The following DST variants were observed in gnomAD, a reference collection of about 807,000 sequenced individuals.
DST encodes the protein bullous pemphigoid antigen.
DST carries 253 observed loss-of-function variants against 875.2 expected under a neutral mutation model. The ratio of observed to expected loss-of-function variants is 0.29; its 90% CI spans 0.26 to 0.32. The LOEUF (loss-of-function observed/expected upper bound fraction) is 0.32, where lower values mean the gene tolerates loss of function less well. Among genes scored for constraint, DST ranks in the 10% least tolerant of loss-of-function variants. The probability of loss-of-function intolerance (pLI) is 1.00; values close to 1 mark genes in which losing one functional copy is unlikely to be tolerated. For synonymous variants in DST, 3,124 were observed against 3,197.1 expected, an observed-to-expected ratio of 0.98 and a Z score of 0.77; for missense variants, 8,287 against 9,111.6, an observed-to-expected ratio of 0.91 and a Z score of 3.68.
chr6:56,474,730 C>T (rs571487157), intron 92 of DST, among the ~76,000 whole-genome samples: 2 of 152,122 alleles, frequency 1.3e-5, no homozygotes, highest in South Asian at 4.1e-4. Flanking sequence ...TTCTGTGGCA[C>T]ATTTCACCTA....
chr6:56,949,751 G>A lies in DST; in HGVS notation c.216+4034C>T, dbSNP rs538966054. Among the ~76,000 whole-genome samples the A allele has an allele frequency of 4.1e-4, 62 of 152,216 alleles. No homozygotes were observed. The Middle Eastern group carries it at 0.01, about 25-fold the overall frequency. On this transcript the variant is annotated intron_variant, in intron 2 of 103. Coordinates refer to ENST00000680361, the MANE Select transcript of DST (RefSeq NM_001374736.1). ...TCTAGACAAATTATTTATTTATAAAGATAACCTAATTATAAAGGATTTCTC... is the reference window on the plus strand; with the variant it reads ...TCTAGACAAATTATTTATTTATAAAAATAACCTAATTATAAAGGATTTCTC...
At chr6:56,589,769 T>C (rs1228136249) in intron 49 of DST, among the ~76,000 whole-genome samples, 3 of 152,238 alleles carry the variant, frequency 2.0e-5, no homozygotes, top group Admixed American at 1.3e-4. Flanking sequence ...GGCCTAGTAG[T>C]ATCAGATTGT....
intron 5 of DST, among the ~76,000 whole-genome samples, chr6:56,713,028 G>A (rs769825648): frequency 6.6e-6 from 1 of 152,182 alleles, no homozygotes; most frequent in Non-Finnish European, 1.5e-5. Flanking sequence ...AACCTCTCAA[G>A]TCATGTGCTT....
At chr6:56,825,297 G>A in intron 4 of DST, among the ~76,000 whole-genome samples, 1 of 147,534 alleles carries the variant, frequency 6.8e-6, no homozygotes, top group East Asian at 2.0e-4. Context: ...ATGCTTGAAG[G>A]CAGCATGCTC....
chr6:56,602,220 T>C (rs1195953839), intron 43 of DST, among the ~76,000 whole-genome samples: 1 of 150,586 alleles, frequency 6.6e-6, no homozygotes, highest in Non-Finnish European at 1.5e-5. Flanking sequence ...AGTGACAACA[T>C]ATAAACACAG....
At chr6:56,529,799 GAAGAAA>G (rs759794410) in intron 65 of DST, 25 bp from the exon 66 acceptor site, 1 of 1,478,588 alleles carries the variant, frequency 6.8e-7, no homozygotes, top group African/African-American at 1.4e-5. Context: ...AAAAAATAAA[GAAGAAA>G]AACAAAAAGA....
intron 9 of DST, among the ~76,000 whole-genome samples, chr6:56,695,717 T>C (rs1173219722): frequency 2.0e-5 from 3 of 152,202 alleles, no homozygotes; most frequent in Admixed American, 1.3e-4. Context: ...ATCTAGCATG[T>C]GGTGGCTAAT....
chr6:56,633,113 T>C (rs1396448986), intron 27 of DST, 76 bp from the exon 28 acceptor site: 9 of 1,131,036 alleles, frequency 8.0e-6, no homozygotes, highest in Non-Finnish European at 9.4e-6. Flanking sequence ...AAACTGGTCG[T>C]GTGGTATATG....
At position 56,466,202 on chromosome 6, in the gene DST, A is replaced by G. The variant is rs1408612976; in HGVS notation, c.22570-7T>C. ...GTTGCTGGGAGTCTCCAAACTGTTCAGTGAAGAAAGAAAGAACCTCTAGTT... is the reference window on the plus strand; with the variant it reads ...GTTGCTGGGAGTCTCCAAACTGTTCGGTGAAGAAAGAAAGAACCTCTAGTT... On this transcript the variant is annotated splice_region_variant and splice_polypyrimidine_tract_variant and intron_variant, in intron 98 of 103. Transcript: ENST00000680361. 6.4e-7 allele frequency: 1 copy of G among 1,571,842 alleles called. No individual in the cohort carries two copies. Among genetic ancestry groups the G allele is most frequent in the East Asian group, 2.3e-5 (1 of 44,312 alleles).
chr6:56,820,297 T>C (rs2099771596), intron 4 of DST, among the ~76,000 whole-genome samples: 1 of 152,248 alleles, frequency 6.6e-6, no homozygotes, highest in African/African-American at 2.4e-5. Context: ...ACATGTTCTG[T>C]AAGTGTTACC....
At chr6:56,943,759 T>C (rs879644681) in intron 2 of DST, among the ~76,000 whole-genome samples, 1 of 152,060 alleles carries the variant, frequency 6.6e-6, no homozygotes, top group Non-Finnish European at 1.5e-5. Context: ...CTAAAGTGTC[T>C]GATCTGTGTA....
intron 3 of DST, among the ~76,000 whole-genome samples, chr6:56,868,916 G>A (rs1775629946): frequency 6.6e-6 from 1 of 152,200 alleles, no homozygotes; most frequent in Non-Finnish European, 1.5e-5. Flanking sequence ...CCCTCTGTGG[G>A]AAATGAAGGT....
At position 56,615,717 on chromosome 6, in the gene DST, T is replaced by C. The variant is rs767923847; in HGVS notation, c.4930-1233A>G. The C allele has an allele frequency of 1.9e-5, 31 of 1,614,050 alleles. No homozygotes were observed. In the African/African-American group the frequency reaches 3.9e-4, roughly 20 times the overall value. ...TTTGTGGCAATGAGGACATCTATAA[T>C]ACCTACTTGGAGAGCCTCTTCTATT... On this transcript the variant is annotated intron_variant, in intron 36 of 103. Coordinates refer to ENST00000680361, the MANE Select transcript of DST (RefSeq NM_001374736.1).
intron 84 of DST, 80 bp downstream of exon 84, chr6:56,492,854 G>T: frequency 8.6e-7 from 1 of 1,163,156 alleles, no homozygotes; most frequent in Non-Finnish European, 1.2e-6. Context: ...GACGACAGAG[G>T]AGTGAGACTC....
At position 56,604,039 on chromosome 6, in the gene DST, C is replaced by T. The variant is rs1181254403; in HGVS notation, c.10589G>A (p.Gly3530Asp). 2 of 1,590,280 alleles carry T rather than the reference C, an allele frequency of 1.3e-6. No homozygotes were observed. The highest frequency in any genetic ancestry group is 1.1e-5 in the South Asian group (1 of 88,248). Reference sequence around the variant, plus strand: ...GTTTCCTTCTTTGCTTTTAATATCACCAAGAATATGTGGCTTTTCTTCCAT... The same window carrying T: ...GTTTCCTTCTTTGCTTTTAATATCATCAAGAATATGTGGCTTTTCTTCCAT... Reference protein sequence around the residue: ...EMMEEKPHILGDIKSKEGNYY... With the variant: ...EMMEEKPHILDDIKSKEGNYY... Residue 3530 changes from glycine to aspartate, a missense_variant, in exon 40 of 104, where the codon GGT becomes GAT. Around this residue, in one of 10 missense-constraint regions of DST, gnomAD observed 3,138 missense variants for 3,116.6 expected, o/e 1.01. Transcript: ENST00000680361.
At chr6:56,811,335 G>C (rs1326848785) in intron 4 of DST, among the ~76,000 whole-genome samples, 2 of 152,012 alleles carry the variant, frequency 1.3e-5, no homozygotes, top group African/African-American at 2.4e-5. Context: ...GAGGGATCCA[G>C]AGAAAAGCCA....
At chr6:56,824,055 C>T (rs1279190907) in intron 4 of DST, among the ~76,000 whole-genome samples, 1 of 152,160 alleles carries the variant, frequency 6.6e-6, no homozygotes, top group African/African-American at 2.4e-5. Flanking sequence ...CCCTCTGATG[C>T]CGAGTCGAAG....
chr6:56,529,818 G>A (rs1314719346), intron 65 of DST, 44 bp from the exon 66 acceptor site: 4 of 1,455,348 alleles, frequency 2.7e-6, no homozygotes, highest in East Asian at 2.5e-5. Flanking sequence ...CAAAAAGAAT[G>A]GACAAATAAA....
intron 36 of DST, 36 bp from the exon 37 acceptor site, chr6:56,614,520 C>T (rs1203150621): frequency 1.8e-5 from 28 of 1,534,828 alleles, no homozygotes; most frequent in Non-Finnish European, 2.3e-5. Context: ...ATATACACTG[C>T]ATTAAATGAC....
Sources: gnomAD v4.1 joint callset for allele counts (sites outside exome capture counted in the v4.1 genomes callset) on GRCh38, gnomAD v4.1.1 for gene constraint, gnomAD v4.1.1 regional missense constraint, MANE v1.5 for transcripts, NCBI Gene and HGNC (gene_info 2026-07-23, HGNC 2026-07-21) for gene names.